Variants in GSAP observed in about 807,000 individuals in gnomAD.
GSAP encodes gamma-secretase activating protein.
A neutral mutation model predicts 131.7 loss-of-function variants in GSAP; 118 were observed. The observed-to-expected ratio is 0.90, with a 90% CI of 0.77 to 1.04. GSAP has a LOEUF of 1.04. Ranked by LOEUF, GSAP falls within the 50% of genes least tolerant of loss-of-function variation. The pLI is 0.00. For synonymous variants in GSAP, 381 were observed against 363.4 expected (o/e 1.05, Z -0.55); for missense variants, 1,019 against 1,013.2 (o/e 1.01, Z -0.08).
At chr7:77,408,931 G>A (rs553782263) in intron 1 of GSAP, among the ~76,000 whole-genome samples, 1 of 151,514 alleles carries the variant, frequency 6.6e-6, no homozygotes, top group Admixed American at 6.5e-5. Context: ...CTGGAGGTGG[G>A]AAACATTTAG....
At chr7:77,385,285 T>C (rs141593041) in intron 6 of GSAP, among the ~76,000 whole-genome samples, 21 of 152,236 alleles carry the variant, frequency 1.4e-4, no homozygotes, top group African/African-American at 5.1e-4. Flanking sequence ...CTGCCCTCCT[T>C]GGCCTCCTAA....
chr7:77,394,106 C>T (rs189088310), intron 5 of GSAP, among the ~76,000 whole-genome samples: 2 of 152,236 alleles, frequency 1.3e-5, no homozygotes, highest in African/African-American at 2.4e-5. Context: ...CCATCTTCCA[C>T]GCAGCAGCTA....
intron 5 of GSAP, among the ~76,000 whole-genome samples, chr7:77,395,317 G>T (rs1800186078): frequency 6.6e-6 from 1 of 152,090 alleles, no homozygotes; most frequent in Admixed American, 6.6e-5. Context: ...CCACCTCCAG[G>T]AACACAGCAG....
chr7:77,322,793 A>G (rs995493697), intron 24 of GSAP, among the ~76,000 whole-genome samples: 4 of 152,126 alleles, frequency 2.6e-5, no homozygotes, highest in Non-Finnish European at 5.9e-5. Flanking sequence ...ATAGAAATTC[A>G]AATATATTAC....
At chr7:77,349,475 A>T in intron 18 of GSAP, 71 bp from the exon 19 acceptor site, 1 of 1,339,248 alleles carries the variant, frequency 7.5e-7, no homozygotes, top group Non-Finnish European at 1.1e-6. Context: ...GCTTTCAGGG[A>T]GTGTTTTCTG....
At chr7:77,375,925 A>G (rs1281684743) in intron 10 of GSAP, among the ~76,000 whole-genome samples, 1 of 151,826 alleles carries the variant, frequency 6.6e-6, no homozygotes, top group African/African-American at 2.4e-5. Flanking sequence ...CACAATTCTA[A>G]TTTTTTTTAA....
At chr7:77,392,560 A>AT (rs1799758731) in intron 5 of GSAP, among the ~76,000 whole-genome samples, 1 of 152,108 alleles carries the variant, frequency 6.6e-6, no homozygotes, top group African/African-American at 2.4e-5. Context: ...AAAAGAAAAG[A>AT]TTATCAGTGG....
intron 12 of GSAP, among the ~76,000 whole-genome samples, chr7:77,370,254 T>C (rs527780325): frequency 3.3e-5 from 5 of 152,112 alleles, no homozygotes; most frequent in Admixed American, 2.6e-4. Context: ...GGTCAGGAGT[T>C]CGAGACCAGC....
chr7:77,392,823 G>A (rs909073653), intron 5 of GSAP, among the ~76,000 whole-genome samples: 1 of 152,274 alleles, frequency 6.6e-6, no homozygotes, highest in East Asian at 1.9e-4. Flanking sequence ...GAGCATCTGT[G>A]ACACTTGACT....
intron 19 of GSAP, among the ~76,000 whole-genome samples, chr7:77,331,201 T>C (rs1002258087): frequency 6.6e-6 from 1 of 152,170 alleles, no homozygotes; most frequent in Non-Finnish European, 1.5e-5. Context: ...CTCAGGAGGC[T>C]GAGGCAGGAG....
chr7:77,408,096 A>C (rs890644293), intron 1 of GSAP, among the ~76,000 whole-genome samples: 3 of 152,186 alleles, frequency 2.0e-5, no homozygotes, highest in Admixed American at 1.3e-4. Flanking sequence ...AGGACTTCTG[A>C]GGTTCCATTA....
At chr7:77,406,163 C>A in intron 1 of GSAP, 58 bp from the exon 2 acceptor site, 3 of 1,014,396 alleles carry the variant, frequency 3.0e-6, no homozygotes, top group Admixed American at 5.0e-5. Flanking sequence ...CATATCTAAC[C>A]AATATATTAG....
At chr7:77,398,950 A>T in intron 3 of GSAP, among the ~76,000 whole-genome samples, 1 of 152,340 alleles carries the variant, frequency 6.6e-6, no homozygotes, top group African/African-American at 2.4e-5. Context: ...TTTTTCATGT[A>T]ACAACATGTT....
At chr7:77,339,640 G>A (rs545869778) in intron 19 of GSAP, among the ~76,000 whole-genome samples, 34 of 149,768 alleles carry the variant, frequency 2.3e-4, no homozygotes, top group African/African-American at 8.4e-4. Flanking sequence ...GGGTAGAGGA[G>A]AAAAACGTGA....
chr7:77,379,792 T>G (rs1394008199), intron 8 of GSAP: 2 of 809,846 alleles, frequency 2.5e-6, no homozygotes, highest in East Asian at 2.5e-4. Flanking sequence ...GTCCTTGTTC[T>G]CCCATCTACT....
At chr7:77,374,974 C>G (rs963227002) in intron 11 of GSAP, 84 bp downstream of exon 11, 12 of 634,576 alleles carry the variant, frequency 1.9e-5, no homozygotes, top group Admixed American at 1.5e-4. Context: ...CTCTTTTTAT[C>G]TGCATAATAT....
chr7:77,324,826 C>G lies in GSAP; in HGVS notation c.1828-1084G>C, dbSNP rs201742883. On this transcript the variant is annotated intron_variant, in intron 23 of 30. Transcript: ENST00000257626. ...TGTCGTGTAAACATTGTTTGCCATACTTTTTTTTTTTTTTTTTTTTTGCTC... is the reference window on the plus strand; with the variant it reads ...TGTCGTGTAAACATTGTTTGCCATAGTTTTTTTTTTTTTTTTTTTTTGCTC... Among the ~76,000 whole-genome samples the G allele has an allele frequency of 8.2e-5, 8 of 97,292 alleles. No homozygotes were observed. The East Asian group carries it at 2.6e-3, about 32-fold the overall frequency. The allele number at this position is 97,292 out of a possible 152,430, so 63.8% of individuals were successfully genotyped here. A position where few individuals can be genotyped will look rare whatever the true frequency, so the allele number is the denominator to read the frequency against.
Position 77,397,350 on chromosome 7 carries a change from C to G in GSAP, c.309G>C (p.Leu103Phe), listed in dbSNP as rs1266442474. The G allele has an allele frequency of 1.3e-6, 2 of 1,596,838 alleles. No homozygotes were observed. Among genetic ancestry groups the G allele is most frequent in the Non-Finnish European group, 8.6e-7 (1 of 1,166,620 alleles). Residue 103 changes from leucine (L) to phenylalanine (F), a missense_variant, in exon 4 of 31, where the codon TTG becomes TTC. By Grantham distance (22) the Leu-to-Phe change is conservative. Coordinates refer to ENST00000257626, the MANE Select transcript of GSAP (RefSeq NM_017439.4). ...AGCAATAAGAGCTCAACTTACCAAG[C>G]AAAGTCCTTTCACTGTTGACAGAGC... ...FSCSVNSERT[L>F]LAASLVQSTK... is the part of the protein sequence containing the mutation.
chr7:77,392,224 GA>G (rs113720613), intron 5 of GSAP, among the ~76,000 whole-genome samples: 172 of 127,516 alleles, frequency 1.3e-3, no homozygotes, highest in Non-Finnish European at 1.3e-3. Flanking sequence ...TCCATCTCAG[GA>G]AAAAAAAAAA....
Sources: gnomAD v4.1 joint callset for allele counts (sites outside exome capture counted in the v4.1 genomes callset) on GRCh38, gnomAD v4.1.1 for gene constraint, MANE v1.5 for transcripts, NCBI Gene and HGNC (gene_info 2026-07-23, HGNC 2026-07-21) for gene names.